Variants in PPEF2 observed in about 807,000 individuals in gnomAD.
PPEF2 encodes protein phosphatase with EF-hand domain 2, also known as serine/threonine-protein phosphatase with EF-hands 2.
Under a neutral mutation model 84.7 loss-of-function variants are expected in PPEF2, and 84 were observed. That is an observed-to-expected ratio of 0.99 (90% confidence interval 0.83 to 1.19). The LOEUF is 1.19. Among genes scored for constraint, PPEF2 ranks in the 50% most tolerant of loss-of-function variants. The pLI is 0.00. For missense variants in PPEF2, 924 were observed against 937.5 expected (o/e 0.99, Z 0.19); for synonymous variants, 346 against 345.2 (o/e 1.00, Z -0.03).
intron 13 of PPEF2, 47 bp downstream of exon 13, chr4:75,871,978 A>G: frequency 6.6e-7 from 1 of 1,520,868 alleles, no homozygotes. Context: ...AGATTCTATG[A>G]ACACTATAAT....
rs758706476 is a variant in PPEF2 at position 75,884,751 on chromosome 4, G to C, written c.589C>G (p.Pro197Ala). The change falls in exon 8 of 17, where the codon CCG (proline) becomes GCG (alanine). Residue 197 changes from proline (P) to alanine (A), a missense_variant. By Grantham distance (27) the Pro-to-Ala change is conservative (BLOSUM62 -1). Transcript: ENST00000286719. Reference protein sequence around the residue: ...LIFIFYKNGLPSPERSYVFNG... With the variant: ...LIFIFYKNGLASPERSYVFNG... ...AACACATATGACCGTTCTGGCGACGGGAGGCCATTCTTTTCAACAAGGAGA... is the reference window on the plus strand; with the variant it reads ...AACACATATGACCGTTCTGGCGACGCGAGGCCATTCTTTTCAACAAGGAGA... 5 of 1,580,936 alleles carry C rather than the reference G, an allele frequency of 3.2e-6. No individual in the cohort carries two copies. Among genetic ancestry groups the C allele is most frequent in the Non-Finnish European group, 4.3e-6 (5 of 1,167,180 alleles).
chr4:75,890,915 G>A (rs1333128759), intron 4 of PPEF2, among the ~76,000 whole-genome samples: 3 of 152,186 alleles, frequency 2.0e-5, no homozygotes, highest in African/African-American at 2.4e-5. Context: ...TGGCTCAGTG[G>A]TTCACGCTTG....
rs371243421 is a variant in PPEF2, at chr4:75,873,672, T to G, written c.1321-360A>C. Reference sequence around the variant, plus strand: ...GCCAATGCTCCAGGCTACTGGACATTTGCCCTAAAGAGAAGGCGCAAGTCC... The same window carrying G: ...GCCAATGCTCCAGGCTACTGGACATGTGCCCTAAAGAGAAGGCGCAAGTCC... On this transcript the variant is annotated intron_variant, in intron 11 of 16. Transcript: ENST00000286719. Among the ~76,000 whole-genome samples, 10 of 152,286 alleles carry G rather than the reference T, an allele frequency of 6.6e-5. 1 individual carries two copies. Among genetic ancestry groups the G allele is most frequent in the African/African-American group, 2.4e-4 (10 of 41,564 alleles).
At chr4:75,874,365 G>A (rs1724358327) in intron 11 of PPEF2, among the ~76,000 whole-genome samples, 1 of 150,728 alleles carries the variant, frequency 6.6e-6, no homozygotes, top group African/African-American at 2.4e-5. Flanking sequence ...GTGCAATCTC[G>A]GCTCACTGCA....
intron 13 of PPEF2, among the ~76,000 whole-genome samples, chr4:75,868,864 C>T (rs542424660): frequency 6.6e-6 from 1 of 152,142 alleles, no homozygotes; most frequent in South Asian, 2.1e-4. Context: ...TAAAAATTAG[C>T]CAGGCATGGT....
chr4:75,900,037 G>A (rs1179300116), intron 1 of PPEF2, among the ~76,000 whole-genome samples: 2 of 152,062 alleles, frequency 1.3e-5, no homozygotes, highest in Non-Finnish European at 2.9e-5. Flanking sequence ...TATTTAAAGT[G>A]CTTTCTATAC....
intron 2 of PPEF2, 108 bp downstream of exon 2, chr4:75,896,163 G>A: frequency 8.1e-7 from 1 of 1,234,430 alleles, no homozygotes; most frequent in Admixed American, 1.7e-5. Flanking sequence ...CTGGCCTGAG[G>A]AGAAATTTAA....
At chr4:75,889,864 TA>T (rs1234070795) in intron 5 of PPEF2, 92 bp downstream of exon 5, 2 of 1,427,476 alleles carry the variant, frequency 1.4e-6, no homozygotes, top group African/African-American at 2.8e-5. Context: ...ATGAACACCC[TA>T]AATCTGGGGC....
intron 1 of PPEF2, among the ~76,000 whole-genome samples, chr4:75,900,976 G>C (rs1035634356): frequency 1.3e-5 from 2 of 152,104 alleles, no homozygotes; most frequent in African/African-American, 4.8e-5. Flanking sequence ...AAAAATGAAA[G>C]ACTATACACC....
chr4:75,874,301 G>C (rs966977883), intron 11 of PPEF2, among the ~76,000 whole-genome samples: 1 of 142,056 alleles, frequency 7.0e-6, no homozygotes, highest in Admixed American at 7.1e-5. Context: ...CTTTTCTTTT[G>C]TTTTTTTTTT....
Position 75,872,010 on chromosome 4 carries a change from A to G in PPEF2, c.1649+15T>C. ...TAATTTTTTTTTCTGAAAATCACTCATTGAAAAGTCTTGCCTTTGCCTCAT... is the reference window on the plus strand; with the variant it reads ...TAATTTTTTTTTCTGAAAATCACTCGTTGAAAAGTCTTGCCTTTGCCTCAT... On this transcript the variant is annotated intron_variant, in intron 13 of 16. Coordinates refer to ENST00000286719, the MANE Select transcript of PPEF2 (RefSeq NM_006239.3). 6.4e-7 allele frequency: 1 copy of G among 1,562,212 alleles called. No individual in the cohort carries two copies. Among genetic ancestry groups the G allele is most frequent in the Non-Finnish European group, 8.6e-7 (1 of 1,156,878 alleles).
intron 1 of PPEF2, among the ~76,000 whole-genome samples, chr4:75,901,377 A>C (rs1274071568): frequency 1.3e-5 from 2 of 152,088 alleles, no homozygotes; most frequent in African/African-American, 4.8e-5. Context: ...TTAGCTGGGC[A>C]TGGTGGCACA....
intron 1 of PPEF2, among the ~76,000 whole-genome samples, chr4:75,899,236 C>T (rs1053241887): frequency 3.9e-5 from 6 of 152,156 alleles, no homozygotes; most frequent in African/African-American, 1.4e-4. Flanking sequence ...ATATATACTA[C>T]ATTTTCTTCA....
At chr4:75,863,875 C>CTT (rs1276118881) in intron 16 of PPEF2, among the ~76,000 whole-genome samples, 1 of 143,172 alleles carries the variant, frequency 7.0e-6, no homozygotes, top group Admixed American at 7.1e-5. Context: ...TTTCTTTCTT[C>CTT]TTTTTTTTTT....
chr4:75,868,514 G>A (rs1724190151), intron 13 of PPEF2, among the ~76,000 whole-genome samples: 1 of 151,974 alleles, frequency 6.6e-6, no homozygotes, highest in South Asian at 2.1e-4. Context: ...CAGTCTTTAA[G>A]TGGGCTACAT....
At chr4:75,888,148 T>A (rs1275903794) in intron 6 of PPEF2, 66 bp downstream of exon 6, 3 of 1,264,190 alleles carry the variant, frequency 2.4e-6, no homozygotes, top group Admixed American at 3.4e-5. Context: ...TCCTCTTGCA[T>A]CCCCACACAG....
At chr4:75,877,475 A>G (rs1724458756) in intron 10 of PPEF2, among the ~76,000 whole-genome samples, 1 of 152,152 alleles carries the variant, frequency 6.6e-6, no homozygotes, top group Non-Finnish European at 1.5e-5. Flanking sequence ...CTTTGAGAGT[A>G]CCACTTTGAC....
At chr4:75,869,145 G>GT (rs1188431735) in intron 13 of PPEF2, among the ~76,000 whole-genome samples, 2 of 152,184 alleles carry the variant, frequency 1.3e-5, no homozygotes, top group African/African-American at 4.8e-5. Flanking sequence ...CTCCTAAAAA[G>GT]TTTAAGAACC....
intron 16 of PPEF2, among the ~76,000 whole-genome samples, chr4:75,861,801 G>C (rs1724009084): frequency 7.1e-6 from 1 of 140,582 alleles, no homozygotes; most frequent in Non-Finnish European, 1.5e-5. Context: ...AGTAGAGACG[G>C]GGTTTCACCA....
Sources: allele counts gnomAD v4.1 joint callset (sites outside exome capture counted in the v4.1 genomes callset), GRCh38; gene constraint gnomAD v4.1.1; transcripts MANE v1.5; gene names NCBI Gene and HGNC (gene_info 2026-07-23, HGNC 2026-07-21).